The following CHRDL1 variants were observed in gnomAD, a reference collection of about 807,000 sequenced individuals.
CHRDL1 encodes the protein chordin-like protein 1.
CHRDL1 carries 19 observed loss-of-function variants against 40.9 expected under a neutral mutation model. That is an observed-to-expected ratio of 0.46 (90% CI 0.32 to 0.68). The LOEUF (loss-of-function observed/expected upper bound fraction) is 0.68. Among genes scored for constraint, CHRDL1 ranks in the 30% least tolerant of loss-of-function variants. The pLI is 0.03. For missense variants in CHRDL1, 329 were observed against 352.1 expected, an observed-to-expected ratio of 0.93 and a Z score of 0.53; for synonymous variants, 136 against 123.4, an observed-to-expected ratio of 1.10 and a Z score of -0.68.
chrX:110,791,884 C>T (rs1385466809), intron 2 of CHRDL1, among the ~76,000 whole-genome samples: 2 of 111,816 alleles, frequency 1.8e-5, no homozygotes, highest in African/African-American at 6.5e-5. Context: ...ACATGATAAT[C>T]AGAAAAACAG....
At chrX:110,748,012 CT>C (rs1190900848) in intron 4 of CHRDL1, among the ~76,000 whole-genome samples, 1 of 111,762 alleles carries the variant, frequency 8.9e-6, no homozygotes, top group Non-Finnish European at 1.9e-5. Context: ...CCTGGAACTA[CT>C]TTTTTGTGCC....
At chrX:110,744,136 C>G (rs197037) in intron 4 of CHRDL1, among the ~76,000 whole-genome samples, 18 of 112,007 alleles carry the variant, frequency 1.6e-4, no homozygotes, top group Non-Finnish European at 5.6e-5. Flanking sequence ...AACAGTCTTA[C>G]TGCAAAGGGT....
intron 2 of CHRDL1, among the ~76,000 whole-genome samples, chrX:110,769,301 A>G (rs1321588664): frequency 8.9e-5 from 10 of 112,410 alleles, no homozygotes; most frequent in Non-Finnish European, 1.7e-4. Flanking sequence ...CTCTTATAAT[A>G]AACACACAAA....
chrX:110,788,731 C>T (rs1272619991), intron 2 of CHRDL1, among the ~76,000 whole-genome samples: 1 of 111,946 alleles, frequency 8.9e-6, no homozygotes, highest in Non-Finnish European at 1.9e-5. Flanking sequence ...AGCTTTTCTC[C>T]TGTTTTAAAA....
At chrX:110,679,863 T>C (rs943326545) in intron 10 of CHRDL1, among the ~76,000 whole-genome samples, 3 of 112,075 alleles carry the variant, frequency 2.7e-5, no homozygotes, top group African/African-American at 9.7e-5. Context: ...TGCAGGCAGG[T>C]TGGTTTTGTA....
Position 110,688,577 on chromosome X carries a change from G to T in CHRDL1, c.988+17C>A, listed in dbSNP as rs772266588. Reference sequence around the variant, plus strand: ...AGAATCTCAGTCAACCAAAAGCAGGGCCTCCAACCAACGCACCTTTTGCTT... The same window carrying T: ...AGAATCTCAGTCAACCAAAAGCAGGTCCTCCAACCAACGCACCTTTTGCTT... On this transcript the variant is annotated intron_variant, in intron 9 of 11. Coordinates refer to ENST00000372042, the MANE Select transcript of CHRDL1 (RefSeq NM_001143981.2). The T allele has an allele frequency of 2.6e-6, 3 of 1,166,278 alleles. No individual in the cohort carries two copies. The highest frequency in any genetic ancestry group is 3.5e-6 in the Non-Finnish European group (3 of 854,586).
chrX:110,787,344 T>C (rs1162654861), intron 2 of CHRDL1, among the ~76,000 whole-genome samples: 2 of 111,632 alleles, frequency 1.8e-5, no homozygotes, highest in Non-Finnish European at 3.8e-5. Context: ...GAGCTGGGGA[T>C]TGGATCTAGG....
chrX:110,698,243 C>G (rs1402711819), intron 7 of CHRDL1, among the ~76,000 whole-genome samples: 18 of 111,246 alleles, frequency 1.6e-4, no homozygotes, highest in Non-Finnish European at 1.9e-5. Flanking sequence ...TCATTTTAGG[C>G]TGGTCAAGAG....
chrX:110,790,979 GGAA>G (rs2090089670), intron 2 of CHRDL1, among the ~76,000 whole-genome samples: 1 of 107,836 alleles, frequency 9.3e-6, no homozygotes, highest in African/African-American at 3.4e-5. Context: ...GTTTCTCCCA[GGAA>G]GAAGACTACA....
Position 110,681,610 on chromosome X carries a change from A to C in CHRDL1, c.1028T>G (p.Phe343Cys). The C allele has an allele frequency of 8.3e-7, 1 of 1,207,828 alleles. No homozygotes were observed. The highest frequency in any genetic ancestry group is 1.1e-6 in the Non-Finnish European group (1 of 892,592). The change falls in exon 10 of 12, where the codon TTC (phenylalanine) becomes TGC (cysteine). Residue 343 changes from phenylalanine (F) to cysteine (C), a missense_variant. Phe to Cys is a radical substitution (Grantham distance 205). Transcript: ENST00000372042. ...PGQSFDNKGY[F>C]CGEETMPVYE... The stretch of plus-strand genomic sequence containing the variant: ...CACAGGCATCGTTTCTTCCCCGCAG[A>C]AGTAGCCTTTATTGTCAAAGCTTTG...
chrX:110,695,376 G>A (rs1424717444), intron 7 of CHRDL1, among the ~76,000 whole-genome samples: 1 of 110,437 alleles, frequency 9.1e-6, no homozygotes, highest in Non-Finnish European at 1.9e-5. Context: ...ACAAAACTCT[G>A]GTACCTAAGA....
intron 6 of CHRDL1, among the ~76,000 whole-genome samples, chrX:110,709,864 A>T (rs1225066550): frequency 9.0e-6 from 1 of 111,026 alleles, no homozygotes; most frequent in Non-Finnish European, 1.9e-5. Context: ...AGTTAGCCAG[A>T]TGTGGTGAGC....
At chrX:110,706,746 T>C (rs769891698) in intron 6 of CHRDL1, among the ~76,000 whole-genome samples, 4 of 112,244 alleles carry the variant, frequency 3.6e-5, no homozygotes, top group Non-Finnish European at 7.5e-5. Context: ...ATAGAGCAGA[T>C]TTATCTCAGA....
intron 7 of CHRDL1, among the ~76,000 whole-genome samples, chrX:110,697,850 A>G (rs1051962212): frequency 3.7e-4 from 36 of 97,445 alleles, no homozygotes; most frequent in African/African-American, 1.5e-3. Flanking sequence ...ACACACACAC[A>G]CACACACACA....
chrX:110,722,357 C>A (rs184950438), intron 4 of CHRDL1, among the ~76,000 whole-genome samples: 16 of 108,339 alleles, frequency 1.5e-4, no homozygotes, highest in Admixed American at 1.5e-3. Flanking sequence ...TGTGGTTTTG[C>A]TTTTTTTTAA....
intron 2 of CHRDL1, among the ~76,000 whole-genome samples, chrX:110,763,322 T>C (rs2089598265): frequency 9.3e-6 from 1 of 107,830 alleles, no homozygotes; most frequent in East Asian, 2.9e-4. Flanking sequence ...GTATCATTCT[T>C]ATGCCTTTAC....
At chrX:110,705,304 T>TATAC (rs1491498596) in intron 6 of CHRDL1, among the ~76,000 whole-genome samples, 96 of 77,589 alleles carry the variant, frequency 1.2e-3, no homozygotes, top group African/African-American at 5.4e-3. Flanking sequence ...TATATATATA[T>TATAC]ACACACACAC....
intron 8 of CHRDL1, among the ~76,000 whole-genome samples, chrX:110,689,061 A>AAT (rs2070088991): frequency 1.3e-5 from 1 of 76,267 alleles, no homozygotes; most frequent in Non-Finnish European, 2.5e-5. Flanking sequence ...GCAGTCCATA[A>AAT]ATATATATAT....
chrX:110,692,644 C>T (rs1335259249), intron 8 of CHRDL1, among the ~76,000 whole-genome samples: 1 of 112,517 alleles, frequency 8.9e-6, no homozygotes, highest in Non-Finnish European at 1.9e-5. Context: ...TTCCTGATTT[C>T]ATAAGCTTTT....
Sources: allele counts gnomAD v4.1 joint callset (sites outside exome capture counted in the v4.1 genomes callset), GRCh38; gene constraint gnomAD v4.1.1; transcripts MANE v1.5; gene names NCBI Gene and HGNC (gene_info 2026-07-23, HGNC 2026-07-21).